The following NCOR2 variants were observed in gnomAD, a reference collection of about 807,000 sequenced individuals.
The protein encoded by NCOR2 is nuclear receptor corepressor 2.
In NCOR2, 81 loss-of-function variants were observed where a neutral mutation model predicts 262.9. The ratio of observed to expected loss-of-function variants is 0.31; its 90% CI spans 0.26 to 0.37. The LOEUF (loss-of-function observed/expected upper bound fraction) is 0.37. NCOR2 is among the 10% of genes least tolerant of loss of function. The pLI is 1.00. For missense variants in NCOR2, 3,385 were observed against 3,621.4 expected, an observed-to-expected ratio of 0.93 and a Z score of 1.68; for synonymous variants, 1,659 against 1,559.3, an observed-to-expected ratio of 1.06 and a Z score of -1.51.
chr12:124,354,943 T>C lies in NCOR2; in HGVS notation c.3382-4A>G. The C allele has an allele frequency of 6.2e-7, 1 of 1,612,430 alleles. No homozygotes were observed. Among genetic ancestry groups the C allele is most frequent in the Non-Finnish European group, 8.5e-7 (1 of 1,179,242 alleles). On this transcript the variant is annotated splice_polypyrimidine_tract_variant and splice_region_variant and intron_variant, in intron 24 of 46. Coordinates refer to ENST00000405201, the Ensembl canonical transcript of NCOR2. ...CGTGGAGCTGGACCGACATTCCCTG[T>C]AGGGGCGGAGTTGTGGGGTCACAGG...
In NCOR2 at chr12:124,432,871, G is replaced by C. The variant is rs999617408; in HGVS notation, c.883-2084C>G. On this transcript the variant is annotated intron_variant, in intron 8 of 46. Coordinates refer to ENST00000405201, the Ensembl canonical transcript of NCOR2. This position sits in a 1 kb window ranked among gnomAD's most constrained non-coding sequence, Gnocchi z 5.1. ...GAGCAAGTGGCGGCGGGGGGCGGGG[G>C]GTGGGGGCGGGGAAGGGGACGCAGG... 6.7e-6 allele frequency among the ~76,000 whole-genome samples: 1 copy of C among 149,218 alleles called. No individual in the cohort carries two copies. The highest frequency in any genetic ancestry group is 1.5e-5 in the Non-Finnish European group (1 of 67,046).
intron 20 of NCOR2, among the ~76,000 whole-genome samples, chr12:124,369,910 C>G (rs1291074544): frequency 6.6e-6 from 1 of 152,128 alleles, no homozygotes; most frequent in Non-Finnish European, 1.5e-5. Context: ...TGGGGACGGA[C>G]AGGATGCAAG....
rs1056127615 is a variant in NCOR2 at position 124,457,858 on chromosome 12, C to T, written c.706-696G>A. On this transcript the variant is annotated intron_variant, in intron 5 of 46. Transcript: ENST00000405201. The surrounding 1 kb of genome is among the most constrained non-coding windows in gnomAD (Gnocchi z 4.0). The stretch of plus-strand genomic sequence containing the variant: ...TGTGCCTCGGCCAGGCCCACCAGCC[C>T]GCAGCCTGGGACCACCAGGGTCCAC... 6.6e-6 allele frequency among the ~76,000 whole-genome samples: 1 copy of T among 152,194 alleles called. No homozygotes were observed. Among genetic ancestry groups the T allele is most frequent in the African/African-American group, 2.4e-5 (1 of 41,452 alleles).
At chr12:124,439,940 C>T (rs1028290172) in intron 7 of NCOR2, among the ~76,000 whole-genome samples, 1 of 151,992 alleles carries the variant, frequency 6.6e-6, no homozygotes, top group African/African-American at 2.4e-5. Flanking sequence ...CTGGAGCCCA[C>T]GCCATGAGGG....
At chr12:124,421,425 G>T (rs183116901) in intron 12 of NCOR2, among the ~76,000 whole-genome samples, 1 of 152,372 alleles carries the variant, frequency 6.6e-6, no homozygotes, top group East Asian at 1.9e-4. Context: ...CACTCCCTGA[G>T]GGAGACGTCG....
Position 124,408,701 on chromosome 12 carries a change from A to G in NCOR2, c.1483-6140T>C, listed in dbSNP as rs888179844. Among the ~76,000 whole-genome samples, 28 of 152,220 alleles carry G rather than the reference A, an allele frequency of 1.8e-4. 1 individual carries two copies. Among genetic ancestry groups the G allele is most frequent in the Middle Eastern group, 6.8e-3 (2 of 294 alleles). The stretch of plus-strand genomic sequence containing the variant: ...GAGATCAAGGCTGCAGCGAGCTTCA[A>G]CTGCACCACTGCACTCTAGCCTGGG... On this transcript the variant is annotated intron_variant, in intron 13 of 46. Transcript: ENST00000405201.
At chr12:124,501,023 G>A (rs2048680950) in intron 1 of NCOR2, among the ~76,000 whole-genome samples, 1 of 151,822 alleles carries the variant, frequency 6.6e-6, no homozygotes, top group African/African-American at 2.4e-5. Flanking sequence ...CAACCTGCCA[G>A]GCAGAGAGCG....
At chr12:124,340,339 G>A (rs202101695) in exon 36 of NCOR2, 1 of 1,612,788 alleles carries the variant, frequency 6.2e-7, no homozygotes, top group Non-Finnish European at 8.5e-7. Context: ...GTGGACGTGA[G>A]GATGGACTTT....
intron 1 of NCOR2, among the ~76,000 whole-genome samples, chr12:124,553,863 G>A (rs1306172302): frequency 6.6e-6 from 1 of 152,194 alleles, no homozygotes; most frequent in Non-Finnish European, 1.5e-5. Flanking sequence ...GGGCACCCAC[G>A]GGAGGAGACG....
Position 124,549,004 on chromosome 12 carries a change from T to C in NCOR2, c.-164-13393A>G, listed in dbSNP as rs1180195834. ...TGGGGCACCGCACAGATTTTTGCTG[T>C]TGTTGTTAATTCTGTGTCGAGTCTA... is the stretch of plus-strand genomic sequence containing the variant. On this transcript the variant is annotated intron_variant, in intron 1 of 32. Transcript: ENST00000458234. The surrounding 1 kb of genome is among the most constrained non-coding windows in gnomAD (Gnocchi z 4.4). 6.6e-6 allele frequency among the ~76,000 whole-genome samples: 1 copy of C among 152,170 alleles called. No homozygotes were observed. Among genetic ancestry groups the C allele is most frequent in the African/African-American group, 2.4e-5 (1 of 41,426 alleles).
chr12:124,529,166 C>T (rs1283704785), intron 1 of NCOR2, among the ~76,000 whole-genome samples: 36 of 85,136 alleles, frequency 4.2e-4, no homozygotes, highest in African/African-American at 1.8e-3. Flanking sequence ...ACGATAAGAG[C>T]GAAACTCCGA....
At chr12:124,558,132 C>T (rs377458547) in intron 1 of NCOR2, among the ~76,000 whole-genome samples, 130 of 152,222 alleles carry the variant, frequency 8.5e-4, no homozygotes, top group African/African-American at 3.0e-3. Context: ...CAGCAGGTAC[C>T]GCAGAGTTCA....
chr12:124,409,971 A>G (rs1009473923), intron 13 of NCOR2, among the ~76,000 whole-genome samples: 5 of 151,616 alleles, frequency 3.3e-5, no homozygotes, highest in African/African-American at 9.7e-5. Flanking sequence ...GAGCCACCGC[A>G]CCGGGGTGAC....
At chr12:124,359,822 G>A (rs2038383498) in intron 22 of NCOR2, among the ~76,000 whole-genome samples, 1 of 152,266 alleles carries the variant, frequency 6.6e-6, no homozygotes, top group African/African-American at 2.4e-5. Context: ...GCCGCTCTGT[G>A]TGGGAGCCAG....
intron 19 of NCOR2, among the ~76,000 whole-genome samples, chr12:124,372,953 G>A (rs1216273045): frequency 6.6e-6 from 1 of 152,240 alleles, no homozygotes; most frequent in African/African-American, 2.4e-5. Flanking sequence ...TTCGTCCTGG[G>A]GGTCTCCATG....
chr12:124,429,852 GT>G (rs1250712861), intron 9 of NCOR2, 146 bp from the exon 12 acceptor site: 1 of 744,930 alleles, frequency 1.3e-6, no homozygotes, highest in Non-Finnish European at 2.2e-6. Context: ...CACACCCGGG[GT>G]CCTGGGGAGG....
intron 17 of NCOR2, among the ~76,000 whole-genome samples, chr12:124,382,214 C>G (rs927172811): frequency 1.3e-5 from 2 of 152,238 alleles, no homozygotes; most frequent in Admixed American, 1.3e-4. Context: ...GGCACCTCTC[C>G]TGGTGAGACC....
chr12:124,507,657 C>T (rs991486820), intron 1 of NCOR2, among the ~76,000 whole-genome samples: 8 of 152,272 alleles, frequency 5.3e-5, no homozygotes, highest in Admixed American at 4.6e-4. Flanking sequence ...CGCCAGCTGC[C>T]TCCAACCCAG....
rs375059380 is a variant in NCOR2 at position 124,341,954 on chromosome 12, A to G, written c.5057T>C (p.Ile1686Thr). 5 of 1,613,172 alleles carry G rather than the reference A, an allele frequency of 3.1e-6. No individual in the cohort carries two copies. In the African/African-American group the frequency reaches 6.7e-5, roughly 22 times the overall value. ...CTGCTGCGAGGTGATGTAGTCATTG[A>G]TGATGGTCTGCCGGTTCTCCAGCGC... Residue 1686 changes from isoleucine (I) to threonine (T), a missense_variant, in exon 34 of 47, where the codon ATC becomes ACC. Physicochemically the swap from Ile to Thr is moderately conservative, Grantham distance 89. Coordinates refer to ENST00000405201, the Ensembl canonical transcript of NCOR2.
Sources: gnomAD v4.1 joint callset for allele counts (sites outside exome capture counted in the v4.1 genomes callset) on GRCh38, gnomAD v4.1.1 for gene constraint, Gnocchi (gnomAD v3.1) non-coding constraint, MANE v1.5 for transcripts, NCBI Gene and HGNC (gene_info 2026-07-23, HGNC 2026-07-21) for gene names.